Variants in HEMK2 observed in about 807,000 individuals in gnomAD.
HEMK2 encodes the protein methyltransferase HEMK2.
At chr21:28,650,640 G>A in the HEMK2 span, among the ~76,000 whole-genome samples, 1 of 152,168 alleles carries the variant, frequency 6.6e-6, no homozygotes, top group South Asian at 2.1e-4. Flanking sequence ...TGTGAGATGA[G>A]TTCAGGTGAG....
At chr21:28,659,998 G>C in the HEMK2 span, among the ~76,000 whole-genome samples, 1 of 151,902 alleles carries the variant, frequency 6.6e-6, no homozygotes, top group Non-Finnish European at 1.5e-5. Context: ...TCAATAATGT[G>C]TTGTAGTTTT....
the HEMK2 span, among the ~76,000 whole-genome samples, chr21:28,635,116 T>C: frequency 6.7e-6 from 1 of 148,800 alleles, no homozygotes; most frequent in South Asian, 2.1e-4. Flanking sequence ...TTTTTTTTTT[T>C]CTTTAGATGG....
At chr21:28,724,305 T>C in the HEMK2 span, among the ~76,000 whole-genome samples, 3 of 152,212 alleles carry the variant, frequency 2.0e-5, no homozygotes, top group Non-Finnish European at 2.9e-5. Flanking sequence ...CTCTAAAAAA[T>C]AGAACCTTGT....
the HEMK2 span, among the ~76,000 whole-genome samples, chr21:28,699,011 A>G: frequency 1.3e-5 from 2 of 152,158 alleles, no homozygotes; most frequent in Non-Finnish European, 2.9e-5. Context: ...GTAAGCATTC[A>G]TGTGTTTTTT....
chr21:28,723,889 C>T, the HEMK2 span, among the ~76,000 whole-genome samples: 1 of 152,140 alleles, frequency 6.6e-6, no homozygotes, highest in African/African-American at 2.4e-5. Flanking sequence ...TTTTCTGACT[C>T]AAGCCTGTTC....
chr21:28,610,237 TG>T, the HEMK2 span, among the ~76,000 whole-genome samples: 99 of 152,312 alleles, frequency 6.5e-4, 2 homozygotes, highest in Admixed American at 5.8e-3. Flanking sequence ...TAGAAGGGAT[TG>T]GGGTTCTATT....
chr21:28,849,903 TGAGA>T, the HEMK2 span, among the ~76,000 whole-genome samples: 5 of 152,168 alleles, frequency 3.3e-5, no homozygotes, highest in Non-Finnish European at 5.9e-5. Flanking sequence ...TTGGCATCCC[TGAGA>T]AAGAGAGAAA....
chr21:28,833,202 GA>G, the HEMK2 span, among the ~76,000 whole-genome samples: 19,112 of 152,184 alleles, frequency 0.13, 1,289 homozygotes, highest in East Asian at 0.16. Context: ...TATCTGATCA[GA>G]AAGAAACAAA....
the HEMK2 span, among the ~76,000 whole-genome samples, chr21:28,726,262 G>A: frequency 6.6e-6 from 1 of 151,796 alleles, no homozygotes; most frequent in Non-Finnish European, 1.5e-5. Context: ...ACCATACTAT[G>A]TTTTACTTAG....
At chr21:28,851,810 C>T in the HEMK2 span, among the ~76,000 whole-genome samples, 1 of 152,188 alleles carries the variant, frequency 6.6e-6, no homozygotes, top group Admixed American at 6.5e-5. Flanking sequence ...AGAGCTAATA[C>T]ACCCTGATGT....
the HEMK2 span, chr21:28,876,463 T>C: frequency 6.2e-7 from 1 of 1,604,924 alleles, no homozygotes; most frequent in Non-Finnish European, 8.5e-7. Context: ...CTTGCAGACC[T>C]TTTGTCTTCA....
chr21:28,813,627 C>T, the HEMK2 span, among the ~76,000 whole-genome samples: 1 of 152,100 alleles, frequency 6.6e-6, no homozygotes, highest in Non-Finnish European at 1.5e-5. Flanking sequence ...CCAAGATAAT[C>T]GTAAGCAAAA....
At chr21:28,604,078 A>G in the HEMK2 span, among the ~76,000 whole-genome samples, 2 of 152,208 alleles carry the variant, frequency 1.3e-5, no homozygotes, top group East Asian at 3.8e-4. Flanking sequence ...TCCTGGTTCA[A>G]TCTCTACTTT....
the HEMK2 span, among the ~76,000 whole-genome samples, chr21:28,616,635 ATTC>A: frequency 1.3e-5 from 2 of 152,182 alleles, no homozygotes; most frequent in African/African-American, 4.8e-5. Context: ...TTATCAGAAA[ATTC>A]TTCTTTTAAC....
chr21:28,643,472 G>T, the HEMK2 span, among the ~76,000 whole-genome samples: 1 of 152,022 alleles, frequency 6.6e-6, no homozygotes, highest in Non-Finnish European at 1.5e-5. Flanking sequence ...GAGGTCAGGA[G>T]TCCAAAACCA....
chr21:28,641,253 C>T, the HEMK2 span, among the ~76,000 whole-genome samples: 56 of 152,230 alleles, frequency 3.7e-4, no homozygotes, highest in Admixed American at 1.4e-3. Flanking sequence ...TTTCATATTT[C>T]GGATCCATAA....
At chr21:28,725,830 G>A in the HEMK2 span, among the ~76,000 whole-genome samples, 1 of 152,126 alleles carries the variant, frequency 6.6e-6, no homozygotes. Context: ...ACATTATTAG[G>A]TTGACATCTA....
At chr21:28,668,223 T>C in the HEMK2 span, among the ~76,000 whole-genome samples, 1 of 152,228 alleles carries the variant, frequency 6.6e-6, no homozygotes, top group Non-Finnish European at 1.5e-5. Context: ...GAGTACCATA[T>C]TTTATCCCAG....
the HEMK2 span, among the ~76,000 whole-genome samples, chr21:28,676,478 A>C: frequency 6.6e-6 from 1 of 151,572 alleles, no homozygotes; most frequent in African/African-American, 2.4e-5. Context: ...ATAATCACAA[A>C]AGACACAATC....
Sources: allele counts gnomAD v4.1 joint callset (sites outside exome capture counted in the v4.1 genomes callset), GRCh38; gene constraint gnomAD v4.1.1; transcripts MANE v1.5; gene names NCBI Gene and HGNC (gene_info 2026-07-23, HGNC 2026-07-21).